CACNA1C: variants seen among roughly 807,000 people sequenced by gnomAD.
CACNA1C encodes the protein voltage-dependent L-type calcium channel subunit alpha-1C.
In CACNA1C, 30 loss-of-function variants were observed where a neutral mutation model predicts 229.0. That is an observed-to-expected ratio of 0.13 (90% CI 0.10 to 0.18). The LOEUF (loss-of-function observed/expected upper bound fraction) is 0.18, where lower values mean the gene tolerates loss of function less well. CACNA1C is among the 10% of genes least tolerant of loss of function. The probability of loss-of-function intolerance (pLI) is 1.00; values close to 1 mark genes in which losing one functional copy is unlikely to be tolerated. For missense variants in CACNA1C, 1,658 were observed against 2,845.0 expected (o/e 0.58, Z 9.49); for synonymous variants, 1,114 against 1,132.5 (o/e 0.98, Z 0.33).
At chr12:2,635,090 C>A (rs1433375242) in intron 30 of CACNA1C, among the ~76,000 whole-genome samples, 1 of 152,100 alleles carries the variant, frequency 6.6e-6, no homozygotes, top group East Asian at 1.9e-4. Context: ...TCTGGGTGGA[C>A]CTTTCCTCCT....
Position 2,120,373 on chromosome 12 carries a change from C to T in CACNA1C, c.420C>T (p.Ala140=). 2 of 1,612,044 alleles carry T rather than the reference C, an allele frequency of 1.2e-6. No homozygotes were observed. The highest frequency in any genetic ancestry group is 1.7e-6 in the Non-Finnish European group (2 of 1,178,158). The change falls in exon 3 of 47, where the codon GCC becomes GCT. Residue 140 remains alanine (A), a synonymous_variant. Coordinates refer to ENST00000399655, the MANE Select transcript of CACNA1C (RefSeq NM_000719.7). ...ILLTIFANCV[A]LAIYIPFPED... ...TGACTATTTTTGCCAATTGTGTGGC[C>T]TTAGCGATCTATATTCCCTTTCCAG...
intron 9 of CACNA1C, among the ~76,000 whole-genome samples, chr12:2,530,940 G>A (rs1326799393): frequency 1.3e-5 from 2 of 152,208 alleles, no homozygotes; most frequent in East Asian, 1.9e-4. Flanking sequence ...GCCTCCAGGC[G>A]ACCTTTAGAC....
At chr12:2,079,557 C>A in intron 1 of CACNA1C, among the ~76,000 whole-genome samples, 1 of 152,154 alleles carries the variant, frequency 6.6e-6, no homozygotes, top group South Asian at 2.1e-4. Context: ...CATGAGGAAC[C>A]ATCTTTATGA....
chr12:2,685,782 G>A lies in CACNA1C; in HGVS notation c.5620G>A (p.Glu1874Lys). 6.2e-7 allele frequency: 1 copy of A among 1,613,768 alleles called. No homozygotes were observed. The highest frequency in any genetic ancestry group is 8.5e-7 in the Non-Finnish European group (1 of 1,179,694). Residue 1874 changes from glutamate (E) to lysine (K), a missense_variant, in exon 44 of 47, where the codon GAG becomes AAG. Glu to Lys is a moderately conservative substitution (Grantham distance 56, BLOSUM62 1). Coordinates refer to ENST00000399655, the MANE Select transcript of CACNA1C (RefSeq NM_000719.7). ...DENRQLTLPE[E>K]DKRDIRQSPK... ...AAATCGGCAACTGACGCTCCCAGAG[G>A]AGGACAAGAGGGACATCCGGCAATC...
At chr12:2,233,581 G>A (rs1389016907) in intron 3 of CACNA1C, among the ~76,000 whole-genome samples, 1 of 152,194 alleles carries the variant, frequency 6.6e-6, no homozygotes, top group Admixed American at 6.5e-5. Context: ...TTCAGAGGTT[G>A]TTGGAATATG....
At chr12:2,193,229 T>C in intron 3 of CACNA1C, among the ~76,000 whole-genome samples, 1 of 151,816 alleles carries the variant, frequency 6.6e-6, no homozygotes, top group East Asian at 1.9e-4. Context: ...CTGAGGCGGG[T>C]GGATCACTTG....
intron 3 of CACNA1C, among the ~76,000 whole-genome samples, chr12:2,301,714 G>A (rs2094574516): frequency 6.6e-6 from 1 of 152,146 alleles, no homozygotes; most frequent in South Asian, 2.1e-4. Context: ...GGAAAAAACT[G>A]GAGTGATGAG....
At chr12:1,984,117 T>C (rs369368416) in intron 1 of CACNA1C, among the ~76,000 whole-genome samples, 2 of 152,222 alleles carry the variant, frequency 1.3e-5, no homozygotes, top group African/African-American at 2.4e-5. Context: ...CCTATCTATA[T>C]TGTTACATTT....
chr12:2,633,827 C>A lies in CACNA1C; in HGVS notation c.3829-470C>A. 1 of 677,850 alleles carries A rather than the reference C, an allele frequency of 1.5e-6. No homozygotes were observed. Among genetic ancestry groups the A allele is most frequent in the East Asian group, 2.8e-5 (1 of 36,036 alleles). 42.0% of individuals were successfully genotyped at this position (677,850 alleles called of 1,614,324 possible). A position where few individuals can be genotyped will look rare whatever the true frequency, so the allele number is the denominator to read the frequency against. ...CTTCTTTTATGTTTTTTTTAATTTC[C>A]TGTTTTTACCCGCCTCCAGTCATGC... On this transcript the variant is annotated intron_variant, in intron 29 of 46. Coordinates refer to ENST00000399655, the MANE Select transcript of CACNA1C (RefSeq NM_000719.7). This position sits in a 1 kb window ranked among gnomAD's most constrained non-coding sequence, Gnocchi z 5.8.
intron 3 of CACNA1C, among the ~76,000 whole-genome samples, chr12:2,124,748 C>T (rs544453153): frequency 6.6e-6 from 1 of 152,114 alleles, no homozygotes; most frequent in East Asian, 1.9e-4. Context: ...AGAGCTGGCT[C>T]CCAGGATGGT....
intron 12 of CACNA1C, 112 bp from the exon 13 acceptor site, chr12:2,567,457 G>A: frequency 1.5e-6 from 1 of 680,490 alleles, no homozygotes; most frequent in Admixed American, 2.5e-5. Context: ...TGGGAGAGGT[G>A]TCATGGGGGA....
intron 1 of CACNA1C, among the ~76,000 whole-genome samples, chr12:1,995,700 G>C (rs1439815508): frequency 6.6e-6 from 1 of 152,220 alleles, no homozygotes; most frequent in Non-Finnish European, 1.5e-5. Flanking sequence ...GGGCCTCTCT[G>C]TGCTGTTCTA....
chr12:2,220,839 C>T (rs536836862), intron 3 of CACNA1C: 1 of 152,082 alleles, frequency 6.6e-6, no homozygotes, highest in South Asian at 2.1e-4. Context: ...TGGCGCTGAG[C>T]GAGAGTTTAC....
intron 4 of CACNA1C, among the ~76,000 whole-genome samples, chr12:2,453,005 A>T (rs969216396): frequency 6.6e-6 from 1 of 152,172 alleles, no homozygotes; most frequent in Non-Finnish European, 1.5e-5. Context: ...TCACCAGCTA[A>T]CATAGGAAGC....
intron 5 of CACNA1C, among the ~76,000 whole-genome samples, chr12:2,484,455 C>A (rs961212608): frequency 6.6e-6 from 1 of 152,164 alleles, no homozygotes; most frequent in Non-Finnish European, 1.5e-5. Context: ...CAGGAAGGAT[C>A]TTGTCTTCAT....
rs2093324640 is a variant in CACNA1C at position 2,639,195 on chromosome 12, G to A, written c.3912+4815G>A. On this transcript the variant is annotated intron_variant, in intron 30 of 46. Transcript: ENST00000399655. The surrounding 1 kb of genome is among the most constrained non-coding windows in gnomAD (Gnocchi z 4.2). Reference sequence around the variant, plus strand: ...CAATGCATCACCTGGGTCTAAATCCGAGCTTTTCTTCCTCTGTGAGCCGGG... The same window carrying A: ...CAATGCATCACCTGGGTCTAAATCCAAGCTTTTCTTCCTCTGTGAGCCGGG... 6.6e-6 allele frequency among the ~76,000 whole-genome samples: 1 copy of A among 152,202 alleles called. No homozygotes were observed. Among genetic ancestry groups the A allele is most frequent in the African/African-American group, 2.4e-5 (1 of 41,444 alleles).
intron 4 of CACNA1C, among the ~76,000 whole-genome samples, chr12:2,457,265 A>G (rs1008768099): frequency 6.6e-6 from 1 of 152,202 alleles, no homozygotes; most frequent in African/African-American, 2.4e-5. Context: ...AACAGACTTC[A>G]CCTGCTTCCC....
intron 1 of CACNA1C, among the ~76,000 whole-genome samples, chr12:2,074,869 G>A (rs575259038): frequency 1.6e-4 from 24 of 152,238 alleles, no homozygotes; most frequent in Admixed American, 9.8e-4. Context: ...TCTACCTTGC[G>A]GGGTCTGAGC....
At chr12:2,241,717 A>G (rs1455148591) in intron 3 of CACNA1C, among the ~76,000 whole-genome samples, 2 of 152,190 alleles carry the variant, frequency 1.3e-5, no homozygotes, top group African/African-American at 4.8e-5. Context: ...AGAAGCAGCT[A>G]TCCTTAATCA....
Sources: allele counts gnomAD v4.1 joint callset (sites outside exome capture counted in the v4.1 genomes callset), GRCh38; gene constraint gnomAD v4.1.1; non-coding constraint Gnocchi (gnomAD v3.1); transcripts MANE v1.5; gene names NCBI Gene and HGNC (gene_info 2026-07-23, HGNC 2026-07-21).